Variants in TAFA4 observed in about 807,000 individuals in gnomAD.
The protein encoded by TAFA4 is TAFA chemokine like family member 4, also known as chemokine-like protein TAFA-4.
TAFA4 carries 20 observed loss-of-function variants against 21.1 expected under a neutral mutation model. The ratio of observed to expected loss-of-function variants is 0.95; its 90% CI spans 0.67 to 1.38. The LOEUF (loss-of-function observed/expected upper bound fraction) is 1.38. Among genes scored for constraint, TAFA4 ranks in the 40% most tolerant of loss-of-function variants. The probability of loss-of-function intolerance (pLI) is 0.00; values close to 1 mark genes in which losing one functional copy is unlikely to be tolerated. For missense variants in TAFA4, 211 were observed against 180.9 expected, an observed-to-expected ratio of 1.17 and a Z score of -0.95; for synonymous variants, 71 against 67.4, an observed-to-expected ratio of 1.05 and a Z score of -0.26.
At chr3:68,804,116 A>G (rs571638014) in intron 3 of TAFA4, among the ~76,000 whole-genome samples, 2 of 152,144 alleles carry the variant, frequency 1.3e-5, no homozygotes, top group African/African-American at 2.4e-5. Context: ...TAATTAAACC[A>G]TAGTAAGAAA....
intron 1 of TAFA4, among the ~76,000 whole-genome samples, chr3:68,930,606 G>A (rs549389057): frequency 1.3e-5 from 2 of 152,270 alleles, no homozygotes; most frequent in East Asian, 1.9e-4. Context: ...AGAAATGTCC[G>A]TGCATATGAA....
intron 3 of TAFA4, among the ~76,000 whole-genome samples, chr3:68,803,003 C>T (rs541707291): frequency 5.3e-5 from 8 of 152,276 alleles, no homozygotes; most frequent in East Asian, 3.9e-4. Flanking sequence ...TCTCAGAAGA[C>T]GGTTTGTTCT....
intron 3 of TAFA4, among the ~76,000 whole-genome samples, chr3:68,756,503 T>C (rs1241056307): frequency 6.6e-6 from 1 of 152,244 alleles, no homozygotes; most frequent in African/African-American, 2.4e-5. Flanking sequence ...AAATATTCCA[T>C]GATTCAGACT....
intron 5 of TAFA4, among the ~76,000 whole-genome samples, chr3:68,735,930 C>T (rs1439130974): frequency 6.6e-6 from 1 of 152,012 alleles, no homozygotes; most frequent in Non-Finnish European, 1.5e-5. Flanking sequence ...CCACAAGATG[C>T]CAGTAGCATC....
At chr3:68,804,803 C>G (rs1193789357) in intron 3 of TAFA4, among the ~76,000 whole-genome samples, 1 of 152,112 alleles carries the variant, frequency 6.6e-6, no homozygotes, top group African/African-American at 2.4e-5. Context: ...AAAATTAATT[C>G]AAGATGGATT....
chr3:68,884,026 T>G (rs960336722), intron 2 of TAFA4, among the ~76,000 whole-genome samples: 1 of 152,126 alleles, frequency 6.6e-6, no homozygotes, highest in African/African-American at 2.4e-5. Context: ...TGAGACTGGT[T>G]AAACAAATTA....
intron 3 of TAFA4, among the ~76,000 whole-genome samples, chr3:68,795,795 G>A (rs1397515106): frequency 6.6e-6 from 1 of 152,170 alleles, no homozygotes; most frequent in Non-Finnish European, 1.5e-5. Flanking sequence ...GAGCATTGAA[G>A]GGTTAGTTAT....
intron 3 of TAFA4, among the ~76,000 whole-genome samples, chr3:68,761,316 AAT>A (rs1702751762): frequency 6.6e-6 from 1 of 152,140 alleles, no homozygotes; most frequent in Non-Finnish European, 1.5e-5. Flanking sequence ...AGCACATGCT[AAT>A]ATAACACTGA....
At chr3:68,927,543 T>C (rs917863199) in intron 1 of TAFA4, among the ~76,000 whole-genome samples, 2 of 152,272 alleles carry the variant, frequency 1.3e-5, no homozygotes, top group African/African-American at 4.8e-5. Context: ...GAGTAGTTTG[T>C]GTGTACTGCC....
chr3:68,858,378 C>A (rs9813764), intron 3 of TAFA4, among the ~76,000 whole-genome samples: 41,394 of 151,474 alleles, frequency 0.27, 6,557 homozygotes, highest in Non-Finnish European at 0.37. Context: ...TTAATAACAC[C>A]GTTAACGCAG....
intron 3 of TAFA4, among the ~76,000 whole-genome samples, chr3:68,846,266 A>G (rs1704790800): frequency 6.6e-6 from 1 of 151,402 alleles, no homozygotes; most frequent in Admixed American, 6.6e-5. Flanking sequence ...CATTAAGTTG[A>G]TCTTCAATCT....
At chr3:68,816,317 A>T (rs182553711) in intron 3 of TAFA4, among the ~76,000 whole-genome samples, 242 of 151,184 alleles carry the variant, frequency 1.6e-3, no homozygotes, top group African/African-American at 5.1e-3. Flanking sequence ...ATGTATAATT[A>T]AAAAAAAATA....
intron 3 of TAFA4, among the ~76,000 whole-genome samples, chr3:68,840,314 C>T (rs549468486): frequency 4.5e-4 from 69 of 152,194 alleles, no homozygotes; most frequent in South Asian, 2.9e-3. Flanking sequence ...TTTAAGTGAT[C>T]CCCCCACCTC....
chr3:68,859,668 A>G (rs1317918097), intron 3 of TAFA4, among the ~76,000 whole-genome samples: 3 of 152,168 alleles, frequency 2.0e-5, no homozygotes, highest in Non-Finnish European at 4.4e-5. Context: ...CTTCTCAGCC[A>G]TGCATCAACC....
At chr3:68,896,996 G>A (rs1260691880) in intron 1 of TAFA4, among the ~76,000 whole-genome samples, 3 of 152,118 alleles carry the variant, frequency 2.0e-5, no homozygotes, top group African/African-American at 7.2e-5. Context: ...CTCCGCCTCC[G>A]GGTTTAAGTG....
intron 2 of TAFA4, among the ~76,000 whole-genome samples, chr3:68,883,766 T>C (rs1477752518): frequency 6.6e-6 from 1 of 152,134 alleles, no homozygotes; most frequent in East Asian, 1.9e-4. Context: ...TTTTATTGTT[T>C]ATACTATTGA....
chr3:68,840,726 C>T (rs1704641347), intron 3 of TAFA4, among the ~76,000 whole-genome samples: 1 of 152,076 alleles, frequency 6.6e-6, no homozygotes, highest in African/African-American at 2.4e-5. Context: ...AGAAAAAGTA[C>T]AGTTCCACAG....
In TAFA4 at chr3:68,837,340, T is replaced by C. The variant is rs148873293; in HGVS notation, c.130+43390A>G. On this transcript the variant is annotated intron_variant, in intron 3 of 5. Coordinates refer to ENST00000295569, the MANE Select transcript of TAFA4 (RefSeq NM_182522.5). ...AACATTTTAACAAGATACCCAGGTG[T>C]GACACATATGATCTCTGGAAGCCCA... Among the ~76,000 whole-genome samples, 456 of 152,302 alleles carry C rather than the reference T, an allele frequency of 3.0e-3. 1 individual carries two copies. The highest frequency in any genetic ancestry group is 0.011 in the African/African-American group (439 of 41,564).
At chr3:68,759,586 C>G (rs904647008) in intron 3 of TAFA4, among the ~76,000 whole-genome samples, 1 of 152,130 alleles carries the variant, frequency 6.6e-6, no homozygotes, top group East Asian at 1.9e-4. Flanking sequence ...AATTTTTCCT[C>G]TAAAACAGCA....
Sources: allele counts gnomAD v4.1 joint callset (sites outside exome capture counted in the v4.1 genomes callset), GRCh38; gene constraint gnomAD v4.1.1; transcripts MANE v1.5; gene names NCBI Gene and HGNC (gene_info 2026-07-23, HGNC 2026-07-21).